C1QTNF7: variants seen among roughly 807,000 people sequenced by gnomAD.
C1QTNF7 encodes C1q and TNF related 7.
A neutral mutation model predicts 19.6 loss-of-function variants in C1QTNF7; 15 were observed. The ratio of observed to expected loss-of-function variants is 0.76; its 90% CI spans 0.51 to 1.18. The LOEUF is 1.18. Among genes scored for constraint, C1QTNF7 ranks in the 50% most tolerant of loss-of-function variants. The pLI is 0.00. For synonymous variants in C1QTNF7, 142 were observed against 137.5 expected, an observed-to-expected ratio of 1.03 and a Z score of -0.23; for missense variants, 324 against 359.7, an observed-to-expected ratio of 0.90 and a Z score of 0.80.
intron 1 of C1QTNF7, among the ~76,000 whole-genome samples, chr4:15,342,561 CG>C (rs745572711): frequency 2.0e-5 from 3 of 152,132 alleles, no homozygotes; most frequent in Non-Finnish European, 4.4e-5. Context: ...TCAAAGAAAG[CG>C]TCCCACAAAG....
At chr4:15,388,543 A>C (rs1718429175) in intron 1 of C1QTNF7, among the ~76,000 whole-genome samples, 1 of 152,240 alleles carries the variant, frequency 6.6e-6, no homozygotes, top group Admixed American at 6.5e-5. Flanking sequence ...TGGGATACAC[A>C]TGAACAGAAA....
At chr4:15,440,986 A>G (rs1712736663) in intron 2 of C1QTNF7, among the ~76,000 whole-genome samples, 1 of 152,056 alleles carries the variant, frequency 6.6e-6, no homozygotes, top group Non-Finnish European at 1.5e-5. Context: ...TACTAAAAAT[A>G]CAAAAATTAG....
intron 1 of C1QTNF7, among the ~76,000 whole-genome samples, chr4:15,416,782 A>C (rs1376104057): frequency 2.6e-5 from 4 of 152,196 alleles, no homozygotes; most frequent in Admixed American, 2.6e-4. Flanking sequence ...CATTGATTCT[A>C]ACATAGGAAC....
At chr4:15,379,008 T>C (rs1192486826) in intron 1 of C1QTNF7, among the ~76,000 whole-genome samples, 1 of 152,196 alleles carries the variant, frequency 6.6e-6, no homozygotes, top group African/African-American at 2.4e-5. Flanking sequence ...TTTGTCTTTG[T>C]CACCATAGTG....
chr4:15,374,985 G>A (rs1717880848), intron 1 of C1QTNF7, among the ~76,000 whole-genome samples: 1 of 151,796 alleles, frequency 6.6e-6, no homozygotes, highest in African/African-American at 2.4e-5. Context: ...CGTCAGAATC[G>A]GCTTTGCTTG....
At chr4:15,345,144 T>C (rs1167260628) in intron 1 of C1QTNF7, among the ~76,000 whole-genome samples, 3 of 152,258 alleles carry the variant, frequency 2.0e-5, no homozygotes, top group Non-Finnish European at 4.4e-5. Context: ...TCCAAGAGTC[T>C]ATGCCAGCAG....
At chr4:15,392,346 C>T (rs1303503490) in intron 1 of C1QTNF7, among the ~76,000 whole-genome samples, 1 of 152,214 alleles carries the variant, frequency 6.6e-6, no homozygotes, top group South Asian at 2.1e-4. Flanking sequence ...ACAGCCTTCT[C>T]AGTGGATACA....
intron 1 of C1QTNF7, among the ~76,000 whole-genome samples, chr4:15,430,681 C>T (rs779456050): frequency 3.9e-5 from 6 of 152,146 alleles, no homozygotes; most frequent in African/African-American, 9.7e-5. Flanking sequence ...TTGTGACCTA[C>T]GTGATTTATT....
chr4:15,398,011 G>A (rs1718853937), intron 1 of C1QTNF7, among the ~76,000 whole-genome samples: 2 of 152,152 alleles, frequency 1.3e-5, no homozygotes, highest in South Asian at 4.1e-4. Context: ...GACCCACAAA[G>A]GAACGCAGCC....
At chr4:15,405,620 C>T (rs1369708135) in intron 1 of C1QTNF7, among the ~76,000 whole-genome samples, 2 of 152,156 alleles carry the variant, frequency 1.3e-5, no homozygotes, top group Non-Finnish European at 2.9e-5. Context: ...TAGCCAATAC[C>T]AGCTAAAGAA....
At chr4:15,440,942 A>T (rs1712734684) in intron 2 of C1QTNF7, among the ~76,000 whole-genome samples, 1 of 152,162 alleles carries the variant, frequency 6.6e-6, no homozygotes, top group Non-Finnish European at 1.5e-5. Context: ...GGAGTTCGAG[A>T]CCAGCCTGGC....
At chr4:15,419,069 G>A (rs1377316099) in intron 1 of C1QTNF7, among the ~76,000 whole-genome samples, 1 of 152,150 alleles carries the variant, frequency 6.6e-6, no homozygotes, top group Non-Finnish European at 1.5e-5. Context: ...TGTGTTCCAG[G>A]GACAAAAGGT....
chr4:15,406,545 G>A (rs534184346), intron 1 of C1QTNF7, among the ~76,000 whole-genome samples: 1 of 152,302 alleles, frequency 6.6e-6, no homozygotes, highest in Admixed American at 6.5e-5. Flanking sequence ...GGTGGGGGCT[G>A]AGTATGCTGC....
At chr4:15,345,900 G>A (rs1043388747) in intron 1 of C1QTNF7, among the ~76,000 whole-genome samples, 4 of 152,054 alleles carry the variant, frequency 2.6e-5, no homozygotes, top group Non-Finnish European at 4.4e-5. Context: ...CTCACCTAAC[G>A]TCCCATATAT....
intron 1 of C1QTNF7, among the ~76,000 whole-genome samples, chr4:15,400,551 A>G (rs1289336161): frequency 1.3e-5 from 2 of 152,234 alleles, no homozygotes; most frequent in Admixed American, 6.5e-5. Context: ...TTTCCCTCCA[A>G]CATTCAAGGA....
At chr4:15,436,040 CCTTT>C (rs1187988985) in intron 2 of C1QTNF7, 59 bp downstream of exon 2, 43 of 1,549,968 alleles carry the variant, frequency 2.8e-5, no homozygotes, top group Non-Finnish European at 3.6e-5. Context: ...AAACTGTTCC[CCTTT>C]CTTTGTTACT....
At chr4:15,356,800 G>A (rs558263687) in intron 1 of C1QTNF7, among the ~76,000 whole-genome samples, 21 of 152,216 alleles carry the variant, frequency 1.4e-4, no homozygotes, top group South Asian at 1.0e-3. Flanking sequence ...TCTAACTGGC[G>A]TGAGATGGTA....
At chr4:15,394,475 C>A (rs141141503) in intron 1 of C1QTNF7, among the ~76,000 whole-genome samples, 27 of 152,320 alleles carry the variant, frequency 1.8e-4, no homozygotes, top group African/African-American at 6.5e-4. Flanking sequence ...TGTTTGGATT[C>A]CATTTCAAAA....
chr4:15,430,314 G>A (rs1712246462), intron 1 of C1QTNF7, among the ~76,000 whole-genome samples: 1 of 152,194 alleles, frequency 6.6e-6, no homozygotes, highest in African/African-American at 2.4e-5. Context: ...GTTGGGCGTG[G>A]CAGCTCACTC....
Sources: allele counts gnomAD v4.1 joint callset (sites outside exome capture counted in the v4.1 genomes callset), GRCh38; gene constraint gnomAD v4.1.1; transcripts MANE v1.5; gene names NCBI Gene and HGNC (gene_info 2026-07-23, HGNC 2026-07-21).